Variants in PDE3A observed in about 807,000 individuals in gnomAD.
PDE3A encodes cGMP-inhibited 3',5'-cyclic phosphodiesterase 3A.
A neutral mutation model predicts 98.3 loss-of-function variants in PDE3A; 43 were observed. That is an observed-to-expected ratio of 0.44 (90% CI 0.34 to 0.56). PDE3A has a LOEUF of 0.56. Ranked by LOEUF, PDE3A falls within the 20% of genes least tolerant of loss-of-function variation. PDE3A has a pLI of 0.01. For synonymous variants in PDE3A, 663 were observed against 567.9 expected (o/e 1.17, Z -2.38); for missense variants, 1,427 against 1,440.7 (o/e 0.99, Z 0.15).
chr12:20,665,632 CAGAA>C (rs1196754021), intron 15 of PDE3A, among the ~76,000 whole-genome samples: 3 of 151,936 alleles, frequency 2.0e-5, no homozygotes, highest in African/African-American at 4.8e-5. Context: ...GATTAATAGA[CAGAA>C]GCAAATAATT....
chr12:20,478,668 G>A (rs557977860), intron 1 of PDE3A, among the ~76,000 whole-genome samples: 36 of 152,150 alleles, frequency 2.4e-4, no homozygotes, highest in Non-Finnish European at 4.7e-4. Flanking sequence ...AATGCTTTTC[G>A]TCCACCTGTT....
intron 1 of PDE3A, among the ~76,000 whole-genome samples, chr12:20,513,993 C>T (rs993768031): frequency 6.6e-6 from 1 of 152,194 alleles, no homozygotes; most frequent in African/African-American, 2.4e-5. Flanking sequence ...CCACCTCCTC[C>T]GCTAACCATC....
chr12:20,417,168 C>A (rs1944434460), intron 1 of PDE3A, among the ~76,000 whole-genome samples: 1 of 152,126 alleles, frequency 6.6e-6, no homozygotes, highest in Non-Finnish European at 1.5e-5. Context: ...CTTGATACAT[C>A]ATTAGTTAGC....
chr12:20,601,567 C>A (rs1943592313), intron 2 of PDE3A, among the ~76,000 whole-genome samples: 2 of 152,052 alleles, frequency 1.3e-5, no homozygotes, highest in African/African-American at 4.8e-5. Flanking sequence ...AAATGTTAAT[C>A]AAATTGTGCA....
At chr12:20,621,237 A>C in intron 4 of PDE3A, 59 bp from the exon 5 acceptor site, 1 of 955,792 alleles carries the variant, frequency 1.0e-6, no homozygotes, top group Non-Finnish European at 1.7e-6. Flanking sequence ...AGACTGGCCC[A>C]ATAACTGATG....
chr12:20,389,942 G>GAA (rs201633212), intron 1 of PDE3A, among the ~76,000 whole-genome samples: 1 of 147,366 alleles, frequency 6.8e-6, no homozygotes, highest in Non-Finnish European at 1.5e-5. Context: ...ATCTAAAATA[G>GAA]AAAAAAAAAA....
intron 1 of PDE3A, among the ~76,000 whole-genome samples, chr12:20,508,891 A>C (rs570524738): frequency 6.6e-6 from 1 of 151,674 alleles, no homozygotes; most frequent in Non-Finnish European, 1.5e-5. Flanking sequence ...AAATCCATAC[A>C]TATGATTACT....
chr12:20,376,971 G>C (rs1943583042), intron 1 of PDE3A, among the ~76,000 whole-genome samples: 1 of 151,782 alleles, frequency 6.6e-6, no homozygotes, highest in Non-Finnish European at 1.5e-5. Flanking sequence ...AGCCAGTCCT[G>C]CTAACATAAT....
At chr12:20,428,255 TG>T (rs1243599950) in intron 1 of PDE3A, among the ~76,000 whole-genome samples, 2 of 152,160 alleles carry the variant, frequency 1.3e-5, no homozygotes, top group Non-Finnish European at 2.9e-5. Flanking sequence ...AATGTAATTC[TG>T]AAAAAAATTA....
chr12:20,482,479 TTC>T (rs1284270449), intron 1 of PDE3A, among the ~76,000 whole-genome samples: 1 of 152,162 alleles, frequency 6.6e-6, no homozygotes, highest in Admixed American at 6.5e-5. Flanking sequence ...GAGAAGCAGA[TTC>T]TGGCACACAA....
intron 4 of PDE3A, among the ~76,000 whole-genome samples, chr12:20,618,135 C>CTGA (rs1944049518): frequency 6.6e-6 from 1 of 152,090 alleles, no homozygotes; most frequent in Non-Finnish European, 1.5e-5. Flanking sequence ...ATGAAAAGTA[C>CTGA]TGATGTAAAA....
chr12:20,590,011 C>T (rs983634026), intron 2 of PDE3A, among the ~76,000 whole-genome samples: 5 of 151,982 alleles, frequency 3.3e-5, no homozygotes, highest in African/African-American at 4.8e-5. Context: ...TCTTATGCCA[C>T]CTTGTGAGTT....
chr12:20,396,736 T>C (rs987191537), intron 1 of PDE3A, among the ~76,000 whole-genome samples: 3 of 152,144 alleles, frequency 2.0e-5, no homozygotes, highest in African/African-American at 7.2e-5. Context: ...TGAGAGAAGC[T>C]GGACCATTAT....
chr12:20,597,376 A>C (rs1486491342), intron 2 of PDE3A, among the ~76,000 whole-genome samples: 1 of 152,182 alleles, frequency 6.6e-6, no homozygotes, highest in Admixed American at 6.5e-5. Context: ...TGTTGGATCT[A>C]TGAGACTTAT....
intron 2 of PDE3A, among the ~76,000 whole-genome samples, chr12:20,604,108 G>A (rs12303780): frequency 0.045 from 6,903 of 151,898 alleles, 524 homozygotes; most frequent in African/African-American, 0.16. Context: ...GGCGGAGGTG[G>A]CAGTGAGCTG....
intron 1 of PDE3A, among the ~76,000 whole-genome samples, chr12:20,511,994 C>T (rs1052556022): frequency 1.3e-5 from 2 of 151,876 alleles, no homozygotes; most frequent in East Asian, 1.9e-4. Flanking sequence ...ATAGAATATA[C>T]ACGACTAGCA....
chr12:20,387,153 C>A (rs1283506129), intron 1 of PDE3A, among the ~76,000 whole-genome samples: 1 of 152,046 alleles, frequency 6.6e-6, no homozygotes, highest in African/African-American at 2.4e-5. Context: ...GTACCAGTAC[C>A]ATGCTGATTT....
At position 20,443,049 on chromosome 12, in the gene PDE3A, C is replaced by T. The variant is rs576938303; in HGVS notation, c.960+72805C>T. ...AACAGAGTTTGAATGAGTCAAAATT[C>T]TACAATGAAATGCTCCTGTATAGGT... On this transcript the variant is annotated intron_variant, in intron 1 of 15. Transcript: ENST00000359062. 2.0e-5 allele frequency among the ~76,000 whole-genome samples: 3 copies of T among 150,916 alleles called. No homozygotes were observed. The South Asian group carries it at 6.4e-4, about 32-fold the overall frequency.
At chr12:20,510,867 TCTC>T (rs1231553299) in intron 1 of PDE3A, among the ~76,000 whole-genome samples, 5 of 152,072 alleles carry the variant, frequency 3.3e-5, no homozygotes, top group Non-Finnish European at 5.9e-5. Flanking sequence ...TTATATGTCT[TCTC>T]CTTCATTCAT....
Sources: gnomAD v4.1 joint callset for allele counts (sites outside exome capture counted in the v4.1 genomes callset) on GRCh38, gnomAD v4.1.1 for gene constraint, MANE v1.5 for transcripts, NCBI Gene and HGNC (gene_info 2026-07-23, HGNC 2026-07-21) for gene names.